The following ARHGEF3 variants were observed in gnomAD, a reference collection of about 807,000 sequenced individuals.
ARHGEF3 encodes the protein Rho guanine nucleotide exchange factor 3, also known as 59.8 kDA protein.
Under a neutral mutation model 63.2 loss-of-function variants are expected in ARHGEF3, and 28 were observed. The ratio of observed to expected loss-of-function variants is 0.44; its 90% confidence interval spans 0.33 to 0.61. The LOEUF is 0.61. ARHGEF3 is among the 20% of genes least tolerant of loss of function. ARHGEF3 has a pLI of 0.03. For missense variants in ARHGEF3, 533 were observed against 659.3 expected (o/e 0.81, Z 2.10); for synonymous variants, 266 against 254.2 (o/e 1.05, Z -0.44).
At chr3:56,888,364 C>T (rs978742653) in intron 3 of ARHGEF3, among the ~76,000 whole-genome samples, 4 of 152,114 alleles carry the variant, frequency 2.6e-5, no homozygotes, top group Admixed American at 1.3e-4. Context: ...GATAACACCT[C>T]AGATGGAAAG....
intron 1 of ARHGEF3, among the ~76,000 whole-genome samples, chr3:56,789,020 ATGCTGC>A (rs34620976): frequency 0.027 from 3,973 of 149,202 alleles, 170 homozygotes; most frequent in African/African-American, 0.088. Context: ...TTCAAGATAG[ATGCTGC>A]TGCTGCTGCT....
At chr3:56,803,749 C>G (rs1389832849), upstream of ARHGEF3, among the ~76,000 whole-genome samples, 1 of 152,140 alleles carries the variant, frequency 6.6e-6, no homozygotes, top group Non-Finnish European at 1.5e-5. Flanking sequence ...CTGTGGTGAG[C>G]TATGGTTGCA....
intron 4 of ARHGEF3, among the ~76,000 whole-genome samples, chr3:56,753,095 G>A (rs2034873129): frequency 6.6e-6 from 1 of 152,164 alleles, no homozygotes; most frequent in African/African-American, 2.4e-5. Flanking sequence ...GTATGCAATT[G>A]CCTCATTTCA....
At chr3:57,027,259 G>C (rs1303815857) in intron 2 of ARHGEF3, among the ~76,000 whole-genome samples, 4 of 152,172 alleles carry the variant, frequency 2.6e-5, no homozygotes. Context: ...AACTGGGCCA[G>C]GGTACTCACT....
At chr3:56,972,582 A>C (rs1700961084) in intron 2 of ARHGEF3, among the ~76,000 whole-genome samples, 3 of 151,972 alleles carry the variant, frequency 2.0e-5, no homozygotes, top group Admixed American at 2.0e-4. Flanking sequence ...TGGAGTGCCC[A>C]GGGCAGGCTT....
chr3:56,919,327 G>A (rs2042066648), intron 3 of ARHGEF3, among the ~76,000 whole-genome samples: 1 of 152,184 alleles, frequency 6.6e-6, no homozygotes, highest in Non-Finnish European at 1.5e-5. Flanking sequence ...ACCCTCTGGT[G>A]GTAATCCTTC....
chr3:56,929,977 C>CCT (rs1229729510), intron 3 of ARHGEF3, among the ~76,000 whole-genome samples: 1 of 152,128 alleles, frequency 6.6e-6, no homozygotes, highest in Non-Finnish European at 1.5e-5. Flanking sequence ...CACCGATGAC[C>CCT]CTCTCCCACT....
chr3:57,010,622 A>C (rs1702658823), intron 2 of ARHGEF3, among the ~76,000 whole-genome samples: 1 of 152,102 alleles, frequency 6.6e-6, no homozygotes, highest in South Asian at 2.1e-4. Context: ...ATTAATTTTG[A>C]CTATCTATAA....
intron 3 of ARHGEF3, among the ~76,000 whole-genome samples, chr3:56,886,240 T>G (rs904298696): frequency 6.6e-6 from 1 of 152,228 alleles, no homozygotes; most frequent in Non-Finnish European, 1.5e-5. Flanking sequence ...TGGTCAGTCA[T>G]GCTCACAGTC....
rs543299109 is a variant in ARHGEF3, at chr3:56,885,538, C to T, written c.130-3184G>A. 7.9e-5 allele frequency among the ~76,000 whole-genome samples: 12 copies of T among 152,150 alleles called. No individual in the cohort carries two copies. The South Asian group carries it at 8.3e-4, about 11-fold the overall frequency. On this transcript the variant is annotated intron_variant, in intron 3 of 12. Transcript: ENST00000338458. ...TGACATGTTGACAGTAGCCTAGATG[C>T]ACATTGATGCAGGAAAGTGAATAAT...
chr3:56,792,002 A>T (rs980890078), intron 1 of ARHGEF3, among the ~76,000 whole-genome samples: 26 of 150,972 alleles, frequency 1.7e-4, no homozygotes, highest in Admixed American at 2.6e-4. Flanking sequence ...GCTACTTGGG[A>T]GGCTGAGGCA....
chr3:56,813,822 C>T (rs2038162045), intron 4 of ARHGEF3, among the ~76,000 whole-genome samples: 1 of 152,082 alleles, frequency 6.6e-6, no homozygotes, highest in Non-Finnish European at 1.5e-5. Flanking sequence ...GTTATGGGCC[C>T]CAAACACCAC....
intron 3 of ARHGEF3, among the ~76,000 whole-genome samples, chr3:56,923,742 T>A (rs762257608): frequency 6.6e-6 from 1 of 152,162 alleles, no homozygotes; most frequent in Non-Finnish European, 1.5e-5. Flanking sequence ...TAAACACCAG[T>A]GAAAGTGGTT....
chr3:56,803,393 C>G (rs1201299983), upstream of ARHGEF3, among the ~76,000 whole-genome samples: 2 of 149,542 alleles, frequency 1.3e-5, no homozygotes, highest in African/African-American at 2.5e-5. Flanking sequence ...GAGCCAAGAT[C>G]ATACCACTGC....
chr3:56,927,829 G>A (rs1042176561), intron 3 of ARHGEF3, among the ~76,000 whole-genome samples: 1 of 152,170 alleles, frequency 6.6e-6, no homozygotes, highest in Admixed American at 6.5e-5. Flanking sequence ...GATAACAATA[G>A]TACTGCCTTC....
chr3:57,012,916 G>A lies in ARHGEF3; in HGVS notation c.62+22172C>T, dbSNP rs147293303. 6.1e-3 allele frequency among the ~76,000 whole-genome samples: 932 copies of A among 152,352 alleles called. 18 individuals carry two copies. The highest frequency in any genetic ancestry group is 0.022 in the African/African-American group (897 of 41,590). ...ATGGGCAGGAACCGGGGCTGCGCACGGGCTCGCAGGCCAGCGTGAATTCCG... is the reference window on the plus strand; with the variant it reads ...ATGGGCAGGAACCGGGGCTGCGCACAGGCTCGCAGGCCAGCGTGAATTCCG... On this transcript the variant is annotated intron_variant, in intron 2 of 12. Coordinates refer to the ARHGEF3 transcript ENST00000338458.
At chr3:56,911,989 A>C (rs1455432874) in intron 3 of ARHGEF3, among the ~76,000 whole-genome samples, 2 of 151,594 alleles carry the variant, frequency 1.3e-5, no homozygotes, top group Non-Finnish European at 2.9e-5. Flanking sequence ...ACACACATAT[A>C]TATATACATA....
intron 3 of ARHGEF3, among the ~76,000 whole-genome samples, chr3:56,912,890 C>T (rs1306349494): frequency 6.6e-6 from 1 of 152,162 alleles, no homozygotes; most frequent in African/African-American, 2.4e-5. Flanking sequence ...ATAATCCTAG[C>T]ACTTTGGAAG....
At chr3:56,950,583 C>T (rs150632299) in intron 3 of ARHGEF3, among the ~76,000 whole-genome samples, 17,605 of 152,038 alleles carry the variant, frequency 0.12, 1,320 homozygotes, top group East Asian at 0.25. Flanking sequence ...CAATGAGATA[C>T]CATCTCACAC....
Sources: gnomAD v4.1 joint callset for allele counts (sites outside exome capture counted in the v4.1 genomes callset) on GRCh38, gnomAD v4.1.1 for gene constraint, MANE v1.5 for transcripts, NCBI Gene and HGNC (gene_info 2026-07-23, HGNC 2026-07-21) for gene names.